MICU1: variants seen among roughly 807,000 people sequenced by gnomAD.
The protein encoded by MICU1 is calcium uptake protein 1, mitochondrial.
Under a neutral mutation model 56.8 loss-of-function variants are expected in MICU1, and 45 were observed. That is an observed-to-expected ratio of 0.79 (90% CI 0.62 to 1.02). The LOEUF (loss-of-function observed/expected upper bound fraction) is 1.02. MICU1 is among the 50% of genes least tolerant of loss of function. The pLI is 0.00. For missense variants in MICU1, 504 were observed against 587.1 expected (o/e 0.86, Z 1.46); for synonymous variants, 186 against 195.1 (o/e 0.95, Z 0.39).
At chr10:72,509,186 T>G (rs930592052) in intron 5 of MICU1, among the ~76,000 whole-genome samples, 1 of 152,208 alleles carries the variant, frequency 6.6e-6, no homozygotes, top group African/African-American at 2.4e-5. Flanking sequence ...CCACAAGTTC[T>G]AGACCACCAA....
At chr10:72,448,198 T>A (rs1362748556) in intron 8 of MICU1, among the ~76,000 whole-genome samples, 196 of 110,670 alleles carry the variant, frequency 1.8e-3, no homozygotes, top group African/African-American at 6.7e-3. Context: ...TATATATTTT[T>A]TTTTTTTTTT....
At chr10:72,552,704 G>A (rs1419149874) in intron 3 of MICU1, among the ~76,000 whole-genome samples, 1 of 151,998 alleles carries the variant, frequency 6.6e-6, no homozygotes, top group East Asian at 1.9e-4. Flanking sequence ...ACAGGTGCCG[G>A]CCATCACGCC....
chr10:72,395,481 C>T lies in MICU1; in HGVS notation c.1180+12448G>A, dbSNP rs1185738117. Among the ~76,000 whole-genome samples, 14 of 152,250 alleles carry T rather than the reference C, an allele frequency of 9.2e-5. No homozygotes were observed. In the South Asian group the frequency reaches 1.7e-3, roughly 18 times the overall value. ...AGTGAGTCGAAGCAGGGCGGGGCGT[C>T]GCCTCACCTGGGAAGCACAAGGGGT... On this transcript the variant is annotated intron_variant, in intron 10 of 11. Transcript: ENST00000361114.
intron 1 of MICU1, among the ~76,000 whole-genome samples, chr10:72,618,328 G>T (rs1473639819): frequency 6.6e-6 from 1 of 152,040 alleles, no homozygotes; most frequent in Non-Finnish European, 1.5e-5. Flanking sequence ...TGAATTCCTG[G>T]GGTCAAGCAA....
chr10:72,433,234 C>G (rs1864602046), intron 8 of MICU1, among the ~76,000 whole-genome samples: 1 of 151,928 alleles, frequency 6.6e-6, no homozygotes, highest in South Asian at 2.1e-4. Flanking sequence ...GCCACTGGTG[C>G]CTGGCTTTTT....
chr10:72,451,394 A>G (rs1348957639), intron 8 of MICU1, among the ~76,000 whole-genome samples: 4 of 152,128 alleles, frequency 2.6e-5, no homozygotes, highest in African/African-American at 4.8e-5. Context: ...TGATGCATCA[A>G]TGTGAATGGC....
intron 10 of MICU1, among the ~76,000 whole-genome samples, chr10:72,389,008 A>G (rs1862982626): frequency 1.3e-5 from 2 of 152,268 alleles, no homozygotes; most frequent in Admixed American, 6.5e-5. Flanking sequence ...ATTAAAAGCG[A>G]TAACATGCAT....
intron 3 of MICU1, 121 bp downstream of exon 3, chr10:72,562,760 ATGATAGAAAATAGC>A: frequency 1.3e-6 from 1 of 797,238 alleles, no homozygotes; most frequent in South Asian, 3.4e-5. Flanking sequence ...GGCTTAGAAC[ATGATAGAAAATAGC>A]AAAGAAGTGA....
chr10:72,491,120 A>C (rs191549237), intron 6 of MICU1, among the ~76,000 whole-genome samples: 53 of 152,308 alleles, frequency 3.5e-4, no homozygotes, highest in African/African-American at 1.2e-3. Flanking sequence ...TGTGAGACCA[A>C]TGTGGTCAAG....
chr10:72,435,248 C>T (rs1864669842), intron 8 of MICU1, among the ~76,000 whole-genome samples: 2 of 151,626 alleles, frequency 1.3e-5, no homozygotes, highest in Admixed American at 6.6e-5. Context: ...ATTAGCTGGG[C>T]ATGGTACCAT....
At chr10:72,414,418 TA>T (rs1281861789) in intron 9 of MICU1, among the ~76,000 whole-genome samples, 1 of 152,164 alleles carries the variant, frequency 6.6e-6, no homozygotes, top group African/African-American at 2.4e-5. Context: ...TTGTGCTAAG[TA>T]AAAGAAGCCA....
chr10:72,425,846 A>T (rs1462305741), intron 8 of MICU1, among the ~76,000 whole-genome samples: 1 of 152,154 alleles, frequency 6.6e-6, no homozygotes, highest in Non-Finnish European at 1.5e-5. Flanking sequence ...TATTAACTGA[A>T]GACCACTATG....
intron 5 of MICU1, among the ~76,000 whole-genome samples, chr10:72,523,606 A>T: frequency 6.6e-6 from 1 of 152,180 alleles, no homozygotes; most frequent in East Asian, 1.9e-4. Flanking sequence ...TTCGTTAGTT[A>T]TATTAGTTAT....
chr10:72,565,210 T>C (rs1840399662), intron 2 of MICU1, among the ~76,000 whole-genome samples: 1 of 151,704 alleles, frequency 6.6e-6, no homozygotes, highest in Non-Finnish European at 1.5e-5. Flanking sequence ...TGCGGCACTA[T>C]TCACAATAGC....
intron 11 of MICU1, among the ~76,000 whole-genome samples, chr10:72,375,054 G>A (rs940130360): frequency 2.0e-5 from 3 of 151,672 alleles, no homozygotes; most frequent in Non-Finnish European, 2.9e-5. Flanking sequence ...CAGGTGATCC[G>A]CCTGCCTCAG....
chr10:72,408,019 C>G lies in MICU1; in HGVS notation c.1090G>C (p.Val364Leu), dbSNP rs779614369. The stretch of plus-strand genomic sequence containing the variant: ...TTTAGGAAAGTAAAGAAGTTCTCCA[C>G]CTCCTGAAATGTCAGACCCTGCAAG... ...KEGKGLTFQEVENFFTFLKNI... is the reference protein window; with the variant it reads ...KEGKGLTFQELENFFTFLKNI... Residue 364 changes from valine (V) to leucine (L), a missense_variant, in exon 10 of 12, where the codon GTG becomes CTG. By Grantham distance (32) the Val-to-Leu change is conservative (BLOSUM62 1). Transcript: ENST00000361114. 6.2e-7 allele frequency: 1 copy of G among 1,613,464 alleles called. No homozygotes were observed. Among genetic ancestry groups the G allele is most frequent in the Non-Finnish European group, 8.5e-7 (1 of 1,179,540 alleles).
chr10:72,504,962 C>CATT (rs147881283), intron 6 of MICU1, among the ~76,000 whole-genome samples: 8,582 of 149,932 alleles, frequency 0.057, 811 homozygotes, highest in African/African-American at 0.2. Context: ...CTATTATTAT[C>CATT]ATTATTATTA....
intron 6 of MICU1, among the ~76,000 whole-genome samples, chr10:72,500,261 CAT>C (rs869065639): frequency 8.3e-3 from 241 of 28,988 alleles, no homozygotes; most frequent in Admixed American, 0.012. Flanking sequence ...TACATACATA[CAT>C]ATATATATAT....
At chr10:72,523,826 C>G in intron 5 of MICU1, 1 of 1,528,316 alleles carries the variant, frequency 6.5e-7, no homozygotes, top group Non-Finnish European at 8.7e-7. Flanking sequence ...TTGAAGATCT[C>G]CTTGGCCCGT....
Sources: gnomAD v4.1 joint callset for allele counts (sites outside exome capture counted in the v4.1 genomes callset) on GRCh38, gnomAD v4.1.1 for gene constraint, MANE v1.5 for transcripts, NCBI Gene and HGNC (gene_info 2026-07-23, HGNC 2026-07-21) for gene names.